PLIN2: variants seen among roughly 807,000 people sequenced by gnomAD.
PLIN2 encodes the protein perilipin 2.
PLIN2 carries 33 observed loss-of-function variants against 30.6 expected under a neutral mutation model. That is an observed-to-expected ratio of 1.08 (90% CI 0.82 to 1.44). The LOEUF (loss-of-function observed/expected upper bound fraction) is 1.44, where lower values mean the gene tolerates loss of function less well. PLIN2 is among the 40% of genes most tolerant of loss of function. PLIN2 has a pLI of 0.00. For synonymous variants in PLIN2, 205 were observed against 201.1 expected, an observed-to-expected ratio of 1.02 and a Z score of -0.16; for missense variants, 610 against 531.8, an observed-to-expected ratio of 1.15 and a Z score of -1.45.
At chr9:19,119,408 G>A (rs930358504) in intron 6 of PLIN2, among the ~76,000 whole-genome samples, 10 of 152,180 alleles carry the variant, frequency 6.6e-5, no homozygotes, top group African/African-American at 1.4e-4. Flanking sequence ...CACATTTCCC[G>A]TGTGGCAGGA....
At chr9:19,109,415 G>C (rs996524055) in intron 2 of PLIN2, among the ~76,000 whole-genome samples, 1 of 151,690 alleles carries the variant, frequency 6.6e-6, no homozygotes, top group Non-Finnish European at 1.5e-5. Context: ...TTAGCCAGGC[G>C]TGGTGGCATG....
chr9:19,122,748 C>A (rs895996375), intron 4 of PLIN2, among the ~76,000 whole-genome samples: 3 of 152,106 alleles, frequency 2.0e-5, no homozygotes, highest in Non-Finnish European at 4.4e-5. Context: ...CTAACCCTAA[C>A]CCTCTTGTGA....
chr9:19,116,985 A>T (rs1033147544), intron 7 of PLIN2, among the ~76,000 whole-genome samples: 1 of 152,112 alleles, frequency 6.6e-6, no homozygotes, highest in Non-Finnish European at 1.5e-5. Flanking sequence ...TTAGTAGTGT[A>T]ATGTATATAT....
chr9:19,125,161 A>G (rs1343511028), intron 3 of PLIN2, among the ~76,000 whole-genome samples: 1 of 152,222 alleles, frequency 6.6e-6, no homozygotes, highest in African/African-American at 2.4e-5. Flanking sequence ...TAAAATATAC[A>G]TAACAAATTT....
intron 7 of PLIN2, among the ~76,000 whole-genome samples, chr9:19,117,909 G>A (rs1202265542): frequency 6.6e-6 from 1 of 152,126 alleles, no homozygotes; most frequent in African/African-American, 2.4e-5. Context: ...GAGCCATCGC[G>A]CCCAGCCAAT....
rs890198414 is a variant in PLIN2 at position 19,118,446 on chromosome 9, C to A, written c.787G>T (p.Ala263Ser). The change falls in exon 7 of 8, where the codon GCC becomes TCC. Residue 263 changes from alanine to serine, a missense_variant. Coordinates refer to ENST00000276914, the MANE Select transcript of PLIN2 (RefSeq NM_001122.4). The stretch of plus-strand genomic sequence containing the variant: ...TTGGCACTATACACATTCTTCCTGG[C>A]AAATTCAATCTAGACACATTGAAAC... The part of the protein sequence containing the change: ...LHSTVHLIEF[A>S]RKNVYSANQK... 6.8e-6 allele frequency: 11 copies of A among 1,613,058 alleles called. No individual in the cohort carries two copies. In the African/African-American group the frequency reaches 9.3e-5, roughly 14 times the overall value.
At chr9:19,109,037 T>A (rs1361840058) in intron 2 of PLIN2, among the ~76,000 whole-genome samples, 1 of 152,148 alleles carries the variant, frequency 6.6e-6, no homozygotes, top group Non-Finnish European at 1.5e-5. Flanking sequence ...AATCTATTAC[T>A]TTCTTAAAAA....
chr9:19,126,591 C>T, intron 1 of PLIN2, 143 bp from the exon 2 acceptor site: 1 of 618,834 alleles, frequency 1.6e-6, no homozygotes, highest in Admixed American at 2.9e-5. Flanking sequence ...CTCTCTCCAG[C>T]TCTCCAGGTC....
At position 19,119,795 on chromosome 9, in the gene PLIN2, A is replaced by G. The variant is rs757012322; in HGVS notation, c.632T>C (p.Val211Ala). ...TCTAACATAATAACTTGGCTTCTGAACCAGATCAAATCCTTCAACTTTTTT... is the reference window on the plus strand; with the variant it reads ...TCTAACATAATAACTTGGCTTCTGAGCCAGATCAAATCCTTCAACTTTTTT... ...EAKKVEGFDL[V>A]QKPSYYVRLG... The change falls in exon 6 of 8, where the codon GTT (valine) becomes GCT (alanine). Residue 211 changes from valine to alanine, a missense_variant. Val to Ala is a moderately conservative substitution (Grantham distance 64). Coordinates refer to ENST00000276914, the MANE Select transcript of PLIN2 (RefSeq NM_001122.4). 3 of 1,588,336 alleles carry G rather than the reference A, an allele frequency of 1.9e-6. No homozygotes were observed. Among genetic ancestry groups the G allele is most frequent in the Non-Finnish European group, 1.7e-6 (2 of 1,166,310 alleles).
At chr9:19,121,284 C>T in intron 4 of PLIN2, 119 bp from the exon 5 acceptor site, 2 of 880,270 alleles carry the variant, frequency 2.3e-6, no homozygotes, top group Non-Finnish European at 3.5e-6. Context: ...TCCTCTCACT[C>T]TAGCTTTAGG....
chr9:19,117,693 T>C (rs1318268530), intron 7 of PLIN2, among the ~76,000 whole-genome samples: 1 of 151,740 alleles, frequency 6.6e-6, no homozygotes, highest in Admixed American at 6.6e-5. Context: ...TCTCGGCTCA[T>C]GGCAACCTCT....
At chr9:19,113,616 C>T (rs1349884105), downstream of PLIN2, among the ~76,000 whole-genome samples, 1 of 150,754 alleles carries the variant, frequency 6.6e-6, no homozygotes, top group Non-Finnish European at 1.5e-5. Flanking sequence ...GTCTGTCACC[C>T]AGGCAGGAGT....
intron 4 of PLIN2, among the ~76,000 whole-genome samples, chr9:19,122,252 G>T (rs1488775286): frequency 6.6e-6 from 1 of 151,976 alleles, no homozygotes; most frequent in Non-Finnish European, 1.5e-5. Flanking sequence ...GCATTCTAAA[G>T]GCTATACACT....
chr9:19,116,760 T>A, intron 7 of PLIN2, 111 bp from the exon 8 acceptor site: 1 of 834,620 alleles, frequency 1.2e-6, no homozygotes, highest in Non-Finnish European at 1.9e-6. Flanking sequence ...CTTTGGCTTT[T>A]AAAAATCCTC....
Position 19,126,119 on chromosome 9 carries a change from G to C in PLIN2, c.221C>G (p.Pro74Arg). 4 of 1,613,122 alleles carry C rather than the reference G, an allele frequency of 2.5e-6. No individual in the cohort carries two copies. The highest frequency in any genetic ancestry group is 3.4e-6 in the Non-Finnish European group (4 of 1,179,260). The change falls in exon 3 of 8, where the codon CCG (proline) becomes CGG (arginine). Residue 74 changes from proline (P) to arginine (R), a missense_variant. Physicochemically the swap from Pro to Arg is moderately radical, Grantham distance 103. Transcript: ENST00000276914. Reference protein sequence around the residue: ...SALPIIQKLEPQIAVANTYAC... With the variant: ...SALPIIQKLERQIAVANTYAC... ...CTTGAAAAATCAGAACTCACTTTGC[G>C]GCTCTAGCTTCTGGATGATGGGCAG...
chr9:19,123,235 T>TTA, intron 4 of PLIN2: 2 of 918,038 alleles, frequency 2.2e-6, no homozygotes, highest in East Asian at 2.6e-5. Flanking sequence ...TGAGAAAAGG[T>TTA]TATATATATC....
chr9:19,123,481 T>C, intron 4 of PLIN2, 84 bp downstream of exon 4: 2 of 1,603,982 alleles, frequency 1.2e-6, no homozygotes, highest in Non-Finnish European at 8.5e-7. Flanking sequence ...ATTTGCCTGT[T>C]TGTGATATGT....
chr9:19,118,609 A>G (rs1588643844), intron 6 of PLIN2, among the ~76,000 whole-genome samples, 154 bp from the exon 7 acceptor site: 1 of 152,320 alleles, frequency 6.6e-6, no homozygotes, highest in East Asian at 1.9e-4. Context: ...TTTATTATCA[A>G]TATGTGTAAA....
chr9:19,112,980 T>TA (rs1036231991), downstream of PLIN2, among the ~76,000 whole-genome samples: 5 of 151,858 alleles, frequency 3.3e-5, no homozygotes, highest in African/African-American at 1.2e-4. Context: ...TTTTTTTTTT[T>TA]AATTTGTACT....
Sources: gnomAD v4.1 joint callset for allele counts (sites outside exome capture counted in the v4.1 genomes callset) on GRCh38, gnomAD v4.1.1 for gene constraint, MANE v1.5 for transcripts, NCBI Gene and HGNC (gene_info 2026-07-23, HGNC 2026-07-21) for gene names.